Variants in NR1I3 observed in about 807,000 individuals in gnomAD.
The protein encoded by NR1I3 is nuclear receptor subfamily 1 group I member 3, also known as constitutive activator of retinoid response.
A neutral mutation model predicts 38.4 loss-of-function variants in NR1I3; 30 were observed. The ratio of observed to expected loss-of-function variants is 0.78; its 90% confidence interval spans 0.58 to 1.06. The LOEUF is 1.06. Ranked by LOEUF, NR1I3 falls within the 50% of genes least tolerant of loss-of-function variation. NR1I3 has a pLI of 0.00. For missense variants in NR1I3, 388 were observed against 435.7 expected (o/e 0.89, Z 0.97); for synonymous variants, 143 against 165.1 (o/e 0.87, Z 1.03).
At chr1:161,236,737 C>CTT in intron 1 of NR1I3, 139 bp from the exon 2 acceptor site, 1 of 793,982 alleles carries the variant, frequency 1.3e-6, no homozygotes, top group African/African-American at 1.8e-5. Context: ...TTTTCTTTTT[C>CTT]TTTTTCTTTT....
intron 5 of NR1I3, among the ~76,000 whole-genome samples, chr1:161,231,795 C>A (rs1402931644): frequency 6.6e-6 from 1 of 152,008 alleles, no homozygotes; most frequent in Non-Finnish European, 1.5e-5. Flanking sequence ...AGCCACTGCA[C>A]CCGGCCCACT....
chr1:161,233,128 C>A (rs1006317641), intron 4 of NR1I3, 41 bp downstream of exon 4: 1 of 1,603,596 alleles, frequency 6.2e-7, no homozygotes, highest in East Asian at 2.2e-5. Context: ...TTTTGGGTGC[C>A]CTTTTAGTTG....
Position 161,233,154 on chromosome 1 carries a change from C to A in NR1I3, c.408+15G>T. ...CTTTTAGTTGTATTCCAACCCAAATCCTGTCGGTGCTCACCCTAAACTGCA... is the reference window on the plus strand; with the variant it reads ...CTTTTAGTTGTATTCCAACCCAAATACTGTCGGTGCTCACCCTAAACTGCA... On this transcript the variant is annotated intron_variant, in intron 4 of 8. Coordinates refer to ENST00000367983, the MANE Select transcript of NR1I3 (RefSeq NM_005122.5). The A allele has an allele frequency of 6.2e-7, 1 of 1,610,626 alleles. No homozygotes were observed. Among genetic ancestry groups the A allele is most frequent in the Non-Finnish European group, 8.5e-7 (1 of 1,177,044 alleles).
intron 3 of NR1I3, among the ~76,000 whole-genome samples, chr1:161,233,911 G>A (rs61801104): frequency 1.4e-5 from 2 of 146,382 alleles, no homozygotes; most frequent in Non-Finnish European, 3.0e-5. Context: ...ATATATATGT[G>A]TATATATGTA....
At chr1:161,230,356 C>A (rs965930261) in intron 8 of NR1I3, 78 of 311,756 alleles carry the variant, frequency 2.5e-4, no homozygotes, top group African/African-American at 1.7e-3. Flanking sequence ...GGATAAATCA[C>A]AGACTATTGA....
chr1:161,235,984 GAC>G lies in NR1I3; in HGVS notation c.108-9_108-8del. ...GCTTTTGCTGACTGTTCTCCTGTGA[GAC>G]ACAGAGATGTTGTTAGAGTCTGGGA... On this transcript the variant is annotated splice_region_variant and splice_polypyrimidine_tract_variant and intron_variant, in intron 2 of 8. Coordinates refer to ENST00000367983, the MANE Select transcript of NR1I3 (RefSeq NM_005122.5). The G allele has an allele frequency of 3.8e-6, 6 of 1,582,500 alleles. No homozygotes were observed. Among genetic ancestry groups the G allele is most frequent in the Non-Finnish European group, 5.1e-6 (6 of 1,165,106 alleles).
Position 161,238,045 on chromosome 1 carries a change from T to C in NR1I3, c.-38A>G, listed in dbSNP as rs1307492409. ...GGTCCCCAACAGATTTCCTACCTGC[T>C]TCTCTTAGGCAGCATGTCACCTGCA... On this transcript the variant is annotated 5_prime_UTR_variant, in exon 1 of 9. Transcript: ENST00000367983. 1 of 1,613,840 alleles carries C rather than the reference T, an allele frequency of 6.2e-7. No homozygotes were observed. Among genetic ancestry groups the C allele is most frequent in the Non-Finnish European group, 8.5e-7 (1 of 1,179,716 alleles).
intron 2 of NR1I3, 97 bp downstream of exon 2, chr1:161,236,362 T>C (rs761363833): frequency 1.6e-4 from 228 of 1,438,580 alleles, no homozygotes; most frequent in Non-Finnish European, 2.0e-4. Context: ...AAAGGAGTAA[T>C]GTAGCTGGAC....
chr1:161,230,197 G>T, intron 8 of NR1I3: 1 of 453,442 alleles, frequency 2.2e-6, no homozygotes, highest in Non-Finnish European at 4.0e-6. Flanking sequence ...GACTTGGCCA[G>T]AACTCCAACC....
In NR1I3 at chr1:161,231,085, G is replaced by C. The variant is rs781752904; in HGVS notation, c.811+32C>G. The C allele has an allele frequency of 1.9e-6, 3 of 1,614,134 alleles. 1 individual carries two copies. The highest frequency in any genetic ancestry group is 2.5e-6 in the Non-Finnish European group (3 of 1,180,026). On this transcript the variant is annotated intron_variant, in intron 7 of 8. Transcript: ENST00000367983. Reference sequence around the variant, plus strand: ...TGAGTATTTGGGCAGAGGTGGTGCAGCAAAAGGCTCTGGGCTTTGGGAGGT... The same window carrying C: ...TGAGTATTTGGGCAGAGGTGGTGCACCAAAAGGCTCTGGGCTTTGGGAGGT...
At chr1:161,237,206 CTT>C (rs113293798) in intron 1 of NR1I3, among the ~76,000 whole-genome samples, 3 of 137,410 alleles carry the variant, frequency 2.2e-5, no homozygotes, top group Admixed American at 7.4e-5. Context: ...CCTTTCTTTC[CTT>C]TTTTTTTTTT....
rs1481958098 is a variant in NR1I3 at position 161,233,235 on chromosome 1, GA to G, written c.341del (p.Ile114ThrfsTer123). 3 of 1,614,196 alleles carry G rather than the reference GA, an allele frequency of 1.9e-6. No individual in the cohort carries two copies. Among genetic ancestry groups the G allele is most frequent in the Non-Finnish European group, 2.5e-6 (3 of 1,180,034 alleles). On this transcript the variant is annotated frameshift_variant, in exon 4 of 9. Transcript: ENST00000367983. LOFTEE classifies it high-confidence loss of function. ...VQLSKEQEEL[I>X]RTLLGAHTRH... ...GGGTGTGGGCCCCCAGGAGTGTCCG[GA>G]TCAGCTCTTCTTGCTCCTTACTCAG...
At chr1:161,237,206 CTTTT>C (rs113293798) in intron 1 of NR1I3, among the ~76,000 whole-genome samples, 1 of 137,444 alleles carries the variant, frequency 7.3e-6, no homozygotes, top group Non-Finnish European at 1.6e-5. Context: ...CCTTTCTTTC[CTTTT>C]TTTTTTTTTC....
At chr1:161,236,933 GGGTTTTGCCATGTTGCCCAGGTT>G (rs147608570) in intron 1 of NR1I3, among the ~76,000 whole-genome samples, 6,339 of 150,012 alleles carry the variant, frequency 0.042, 220 homozygotes, top group Non-Finnish European at 0.061. Context: ...TGTAGAGATG[GGGTTTTGCCATGTTGCCCAGGTT>G]GGTTTTTTTG....
chr1:161,233,145 A>C, intron 4 of NR1I3, 24 bp downstream of exon 4: 1 of 1,608,722 alleles, frequency 6.2e-7, no homozygotes, highest in Non-Finnish European at 8.5e-7. Context: ...GTTGTATTCC[A>C]ACCCAAATCC....
Position 161,236,536 on chromosome 1 carries a change from G to T in NR1I3, c.30C>A (p.Asn10Lys), listed in dbSNP as rs1668631736. MASREDELRNCVVCGDQATG... is the reference protein window; with the variant it reads MASREDELRKCVVCGDQATG... ...TGGCTTGGTCCCCACATACCACACA[G>T]TTCCTCAGCTCATCTTCCCTACTGG... The change falls in exon 2 of 9, where the codon AAC becomes AAA. Residue 10 changes from asparagine (N) to lysine (K), a missense_variant. Asn to Lys is a moderately conservative substitution (Grantham distance 94, BLOSUM62 0). Transcript: ENST00000367983. 1 of 1,614,136 alleles carries T rather than the reference G, an allele frequency of 6.2e-7. No homozygotes were observed. The highest frequency in any genetic ancestry group is 1.7e-5 in the Admixed American group (1 of 60,004).
chr1:161,230,060 T>C (rs2102096761), intron 8 of NR1I3, 134 bp from the exon 9 acceptor site: 1 of 1,081,258 alleles, frequency 9.2e-7, no homozygotes, highest in South Asian at 1.6e-5. Flanking sequence ...AATCATGCTC[T>C]GGTATGACAG....
chr1:161,231,003 C>A (rs536493902), intron 7 of NR1I3, 85 bp from the exon 8 acceptor site: 1 of 1,612,700 alleles, frequency 6.2e-7, no homozygotes, highest in Admixed American at 1.7e-5. Flanking sequence ...TGGGATAGAC[C>A]TAGTCTGCAG....
At position 161,233,210 on chromosome 1, in the gene NR1I3, G is replaced by A. The variant is rs778879440; in HGVS notation, c.367C>T (p.Arg123Cys). Residue 123 changes from arginine (R) to cysteine (C), a missense_variant, in exon 4 of 9, where the codon CGC becomes TGC. Physicochemically the swap from Arg to Cys is radical, Grantham distance 180. Coordinates refer to ENST00000367983, the MANE Select transcript of NR1I3 (RefSeq NM_005122.5). ...LIRTLLGAHT[R>C]HMGTMFEQFV... ...TGTTCAAACATGGTGCCCATGTGGC[G>A]GGTGTGGGCCCCCAGGAGTGTCCGG... is the stretch of plus-strand genomic sequence containing the variant. 16 of 1,614,092 alleles carry A rather than the reference G, an allele frequency of 9.9e-6. No homozygotes were observed. The highest frequency in any genetic ancestry group is 1.6e-4 in the Middle Eastern group (1 of 6,084).
Sources: allele counts gnomAD v4.1 joint callset (sites outside exome capture counted in the v4.1 genomes callset), GRCh38; gene constraint gnomAD v4.1.1; transcripts MANE v1.5; gene names NCBI Gene and HGNC (gene_info 2026-07-23, HGNC 2026-07-21).